Variants in SRGAP3 observed in about 807,000 individuals in gnomAD.
SRGAP3 encodes the protein SLIT-ROBO Rho GTPase activating protein 3, also known as SLIT-ROBO Rho GTPase-activating protein 3.
A neutral mutation model predicts 121.1 loss-of-function variants in SRGAP3; 39 were observed. The ratio of observed to expected loss-of-function variants is 0.32; its 90% CI spans 0.25 to 0.42. The LOEUF is 0.42. SRGAP3 is among the 10% of genes least tolerant of loss of function. The pLI is 1.00. For synonymous variants in SRGAP3, 601 were observed against 570.0 expected, an observed-to-expected ratio of 1.05 and a Z score of -0.77; for missense variants, 1,213 against 1,470.6, an observed-to-expected ratio of 0.82 and a Z score of 2.86.
intron 3 of SRGAP3, among the ~76,000 whole-genome samples, chr3:9,259,213 C>CAT (rs35179542): frequency 2.5e-4 from 38 of 151,896 alleles, no homozygotes; most frequent in Non-Finnish European, 4.3e-4. Flanking sequence ...TTCCCTGTTT[C>CAT]TTTTTTTTCA....
intron 1 of SRGAP3, chr3:9,192,371 T>G (rs1346783223): frequency 1.3e-5 from 2 of 152,252 alleles, no homozygotes; most frequent in Non-Finnish European, 2.9e-5. Context: ...TGTATCGGTT[T>G]GATTCCAGGC....
chr3:9,063,345 T>A (rs529412937), intron 5 of SRGAP3, among the ~76,000 whole-genome samples: 1 of 152,070 alleles, frequency 6.6e-6, no homozygotes, highest in South Asian at 2.1e-4. Context: ...CCCAACCTGG[T>A]CTCGAACTCC....
chr3:9,131,819 G>C (rs1362100771), intron 1 of SRGAP3, among the ~76,000 whole-genome samples: 1 of 151,958 alleles, frequency 6.6e-6, no homozygotes, highest in African/African-American at 2.4e-5. Flanking sequence ...ATTCTCCATG[G>C]TTCCCCATTG....
At chr3:9,122,124 G>A (rs2124972067) in intron 2 of SRGAP3, among the ~76,000 whole-genome samples, 1 of 152,282 alleles carries the variant, frequency 6.6e-6, no homozygotes, top group East Asian at 1.9e-4. Context: ...ATACCCACCT[G>A]GCACCAAAGT....
intron 1 of SRGAP3, among the ~76,000 whole-genome samples, chr3:9,159,022 T>A (rs398192): frequency 0.014 from 2,056 of 152,052 alleles, 28 homozygotes; most frequent in East Asian, 0.095. Context: ...GGAGCTCCTC[T>A]GATACCAGTT....
chr3:8,998,416 C>A (rs1353737557), intron 18 of SRGAP3, among the ~76,000 whole-genome samples: 1 of 152,142 alleles, frequency 6.6e-6, no homozygotes, highest in African/African-American at 2.4e-5. Context: ...CTGCAAGAGC[C>A]CCAACTGCCA....
intron 18 of SRGAP3, among the ~76,000 whole-genome samples, chr3:8,995,986 T>A (rs1387231265): frequency 1.3e-5 from 2 of 152,188 alleles, no homozygotes; most frequent in Admixed American, 6.5e-5. Context: ...GACAATCTCG[T>A]CTTCATCGAT....
intron 18 of SRGAP3, among the ~76,000 whole-genome samples, chr3:9,003,559 A>G (rs1235471334): frequency 6.6e-6 from 1 of 152,268 alleles, no homozygotes; most frequent in Non-Finnish European, 1.5e-5. Context: ...TCCTCCATGC[A>G]CAAGTGGAAT....
chr3:9,191,380 C>A (rs534327755), intron 1 of SRGAP3, among the ~76,000 whole-genome samples: 1 of 152,206 alleles, frequency 6.6e-6, no homozygotes, highest in African/African-American at 2.4e-5. Flanking sequence ...ACATTTCTCA[C>A]GCTAAAGGAG....
At chr3:9,196,990 C>T (rs562208256) in intron 1 of SRGAP3, among the ~76,000 whole-genome samples, 1 of 152,312 alleles carries the variant, frequency 6.6e-6, no homozygotes, top group African/African-American at 2.4e-5. Flanking sequence ...CACACCTCTC[C>T]AAAGTTTTCG....
At chr3:9,251,242 G>C (rs1307904184), upstream of SRGAP3, among the ~76,000 whole-genome samples, 1 of 152,166 alleles carries the variant, frequency 6.6e-6, no homozygotes, top group Admixed American at 6.5e-5. Flanking sequence ...ACAGGGAGAA[G>C]TCCAACTGGT....
chr3:9,211,172 G>A (rs1440123509), intron 1 of SRGAP3, among the ~76,000 whole-genome samples: 1 of 152,102 alleles, frequency 6.6e-6, no homozygotes, highest in Admixed American at 6.6e-5. Context: ...TATAATTAAA[G>A]ATACACACAC....
intron 14 of SRGAP3, among the ~76,000 whole-genome samples, chr3:9,019,578 A>C (rs542280714): frequency 1.4e-4 from 21 of 152,326 alleles, no homozygotes; most frequent in African/African-American, 5.1e-4. Context: ...AGCGAAGAGC[A>C]CCTCTAGAGC....
At chr3:9,334,905 C>T (rs571603844) in intron 1 of SRGAP3, among the ~76,000 whole-genome samples, 43 of 152,206 alleles carry the variant, frequency 2.8e-4, no homozygotes, top group African/African-American at 8.7e-4. Context: ...GTTGGGATAA[C>T]GGGTGTGGAA....
At chr3:9,027,972 T>C in intron 12 of SRGAP3, 1 of 1,093,312 alleles carries the variant, frequency 9.1e-7, no homozygotes, top group South Asian at 1.3e-5. Context: ...CTTGATTGAC[T>C]GTGCCCAGGG....
chr3:9,150,210 GAAGAGGAGTGGGCCAGGGA>G (rs1950169934), intron 1 of SRGAP3, among the ~76,000 whole-genome samples: 1 of 151,964 alleles, frequency 6.6e-6, no homozygotes, highest in Non-Finnish European at 1.5e-5. Context: ...TCTAAAGGCT[GAAGAGGAGTGGGCCAGGGA>G]AAGAGCTATG....
At chr3:9,321,023 C>T (rs537173481) in intron 3 of SRGAP3, among the ~76,000 whole-genome samples, 5 of 151,708 alleles carry the variant, frequency 3.3e-5, no homozygotes, top group Admixed American at 2.0e-4. Context: ...AAAAATAGAA[C>T]GTGGTGGAAG....
chr3:9,253,010 A>G (rs1431360701), upstream of SRGAP3, among the ~76,000 whole-genome samples: 1 of 152,220 alleles, frequency 6.6e-6, no homozygotes, highest in African/African-American at 2.4e-5. Context: ...GCTAGTATTT[A>G]CCAAGTTCTC....
intron 3 of SRGAP3, among the ~76,000 whole-genome samples, chr3:9,092,145 C>T (rs1298999588): frequency 3.9e-5 from 6 of 152,056 alleles, no homozygotes; most frequent in Non-Finnish European, 5.9e-5. Flanking sequence ...TACTCCCAGG[C>T]TTACTTTGGG....
Sources: allele counts gnomAD v4.1 joint callset (sites outside exome capture counted in the v4.1 genomes callset), GRCh38; gene constraint gnomAD v4.1.1; transcripts MANE v1.5; gene names NCBI Gene and HGNC (gene_info 2026-07-23, HGNC 2026-07-21).